The following CD2AP variants were observed in gnomAD, a reference collection of about 807,000 sequenced individuals.
CD2AP encodes the protein CD2-associated protein.
Under a neutral mutation model 85.1 loss-of-function variants are expected in CD2AP, and 46 were observed. The ratio of observed to expected loss-of-function variants is 0.54; its 90% CI spans 0.43 to 0.69. The LOEUF (loss-of-function observed/expected upper bound fraction) is 0.69, where lower values mean the gene tolerates loss of function less well. Ranked by LOEUF, CD2AP falls within the 30% of genes least tolerant of loss-of-function variation. CD2AP has a pLI of 0.00. For missense variants in CD2AP, 769 were observed against 729.5 expected (o/e 1.05, Z -0.62); for synonymous variants, 255 against 252.9 (o/e 1.01, Z -0.08).
chr6:47,600,931 C>T (rs1769111492), intron 13 of CD2AP, among the ~76,000 whole-genome samples: 1 of 151,772 alleles, frequency 6.6e-6, no homozygotes, highest in Admixed American at 6.6e-5. Context: ...TCACATAAGT[C>T]TTTAAATGTT....
chr6:47,481,997 G>A (rs1765457785), intron 1 of CD2AP, among the ~76,000 whole-genome samples: 1 of 152,072 alleles, frequency 6.6e-6, no homozygotes, highest in Admixed American at 6.5e-5. Context: ...TTGGCCTCAA[G>A]CAGTTCACCT....
intron 3 of CD2AP, among the ~76,000 whole-genome samples, chr6:47,540,864 G>A (rs966737691): frequency 3.9e-5 from 6 of 152,156 alleles, no homozygotes; most frequent in African/African-American, 1.4e-4. Context: ...CAATAATATG[G>A]ATTGTTTGCC....
At chr6:47,492,679 T>C (rs1353638806) in intron 1 of CD2AP, among the ~76,000 whole-genome samples, 1 of 152,156 alleles carries the variant, frequency 6.6e-6, no homozygotes, top group East Asian at 1.9e-4. Flanking sequence ...TTAATAAATG[T>C]AAGGTCTGTA....
At chr6:47,555,182 C>T (rs1767646218) in intron 5 of CD2AP, among the ~76,000 whole-genome samples, 1 of 152,092 alleles carries the variant, frequency 6.6e-6, no homozygotes, top group African/African-American at 2.4e-5. Context: ...TTTGTTTATT[C>T]TGGGCAGCCA....
chr6:47,606,212 C>A lies in CD2AP; in HGVS notation c.1465C>A (p.Leu489Ile). The A allele has an allele frequency of 6.2e-7, 1 of 1,611,730 alleles. No individual in the cohort carries two copies. Among genetic ancestry groups the A allele is most frequent in the Non-Finnish European group, 8.5e-7 (1 of 1,178,088 alleles). Residue 489 changes from leucine (L) to isoleucine (I), a missense_variant, in exon 14 of 18, where the codon CTC (leucine) becomes ATC (isoleucine). Physicochemically the swap from Leu to Ile is conservative, Grantham distance 5. Coordinates refer to ENST00000359314, the MANE Select transcript of CD2AP (RefSeq NM_012120.3). ...DIASSENLLH[L>I]TANRPKMPGR... ...AGCTTCCTCAGAAAACTTGCTTCAT[C>A]TCACTGCAAATAGACCAAAGATGCC... is the stretch of plus-strand genomic sequence containing the variant.
intron 2 of CD2AP, among the ~76,000 whole-genome samples, chr6:47,527,313 G>T (rs1254096092): frequency 2.0e-5 from 3 of 152,050 alleles, no homozygotes; most frequent in Non-Finnish European, 2.9e-5. Context: ...ACCTCCCATG[G>T]ATCAACTGAA....
intron 11 of CD2AP, among the ~76,000 whole-genome samples, chr6:47,586,712 A>G (rs1768639904): frequency 6.6e-6 from 1 of 152,188 alleles, no homozygotes; most frequent in Admixed American, 6.5e-5. Flanking sequence ...AAACGATACT[A>G]GATTGGCAGT....
At chr6:47,508,553 T>TG (rs1766238713) in intron 2 of CD2AP, among the ~76,000 whole-genome samples, 1 of 148,524 alleles carries the variant, frequency 6.7e-6, no homozygotes, top group Non-Finnish European at 1.5e-5. Flanking sequence ...TTTGTTTTTT[T>TG]TTTTTTTTTT....
intron 17 of CD2AP, among the ~76,000 whole-genome samples, chr6:47,621,564 A>G (rs1396990927): frequency 6.6e-6 from 1 of 152,174 alleles, no homozygotes; most frequent in Non-Finnish European, 1.5e-5. Flanking sequence ...TCATAGAATG[A>G]ATTAGGGAGG....
Position 47,598,433 on chromosome 6 carries a change from A to G in CD2AP, c.1275-868A>G, listed in dbSNP as rs1484355293. On this transcript the variant is annotated intron_variant, in intron 12 of 17. Transcript: ENST00000359314. Reference sequence around the variant, plus strand: ...CCAGAGGAAAATAAGTTATTATATGAAAAAGATAACTTGCACATGCATGTT... The same window carrying G: ...CCAGAGGAAAATAAGTTATTATATGGAAAAGATAACTTGCACATGCATGTT... 1.3e-5 allele frequency among the ~76,000 whole-genome samples: 2 copies of G among 151,148 alleles called. 1 individual carries two copies. Among genetic ancestry groups the G allele is most frequent in the Non-Finnish European group, 3.0e-5 (2 of 67,362 alleles).
At chr6:47,620,003 C>T (rs1403842905) in intron 17 of CD2AP, among the ~76,000 whole-genome samples, 1 of 152,142 alleles carries the variant, frequency 6.6e-6, no homozygotes, top group Non-Finnish European at 1.5e-5. Context: ...GATTTTTTCC[C>T]ACTCTGTGGG....
rs144947518 is a variant in CD2AP at position 47,600,644 on chromosome 6, T to G, written c.1417+1201T>G. On this transcript the variant is annotated intron_variant, in intron 13 of 17. Transcript: ENST00000359314. ...TTTAGAGAAACTCATTGAAATTTAT[T>G]CGGTATGTTTTATATGGTGAAAATT... 4.7e-3 allele frequency among the ~76,000 whole-genome samples: 720 copies of G among 152,068 alleles called. 5 individuals are homozygous for G. Among genetic ancestry groups the G allele is most frequent in the Middle Eastern group, 0.017 (5 of 294 alleles).
At chr6:47,494,380 G>T (rs1765803782) in intron 1 of CD2AP, among the ~76,000 whole-genome samples, 1 of 152,140 alleles carries the variant, frequency 6.6e-6, no homozygotes, top group East Asian at 1.9e-4. Flanking sequence ...GAGCCTCATT[G>T]ATATGGTGGT....
At position 47,503,390 on chromosome 6, in the gene CD2AP, G is replaced by A. The variant is rs1562005979; in HGVS notation, c.115G>A (p.Glu39Lys). The A allele has an allele frequency of 1.2e-6, 2 of 1,613,916 alleles. No homozygotes were observed. The highest frequency in any genetic ancestry group is 1.7e-6 in the Non-Finnish European group (2 of 1,179,882). The stretch of plus-strand genomic sequence containing the variant: ...AAAGCTACAGGAGGAAGGGTGGCTG[G>A]AAGGAGAACTAAATGGGAGAAGAGG... ...VKKLQEEGWL[E>K]GELNGRRGMF... The change falls in exon 2 of 18, where the codon GAA becomes AAA. Residue 39 changes from glutamate to lysine, a missense_variant. Transcript: ENST00000359314.
intron 1 of CD2AP, among the ~76,000 whole-genome samples, chr6:47,480,852 C>T (rs1054640077): frequency 6.6e-6 from 1 of 152,138 alleles, no homozygotes; most frequent in African/African-American, 2.4e-5. Context: ...GTGATATAAC[C>T]TTACAGAAAC....
intron 3 of CD2AP, among the ~76,000 whole-genome samples, chr6:47,540,359 A>C (rs913071074): frequency 2.0e-5 from 3 of 152,060 alleles, no homozygotes; most frequent in Non-Finnish European, 4.4e-5. Flanking sequence ...AAAAATCTCA[A>C]AGTGCCCCCT....
At chr6:47,508,164 C>T (rs1433029274) in intron 2 of CD2AP, among the ~76,000 whole-genome samples, 2 of 152,212 alleles carry the variant, frequency 1.3e-5, no homozygotes, top group Non-Finnish European at 2.9e-5. Flanking sequence ...TGAAGCTAGG[C>T]TTTGATTTCT....
At chr6:47,596,565 C>G (rs1768955872) in intron 12 of CD2AP, among the ~76,000 whole-genome samples, 2 of 151,992 alleles carry the variant, frequency 1.3e-5, no homozygotes, top group African/African-American at 2.4e-5. Flanking sequence ...CCTCCAGATT[C>G]GTCGATGATG....
Position 47,609,302 on chromosome 6 carries a change from C to A in CD2AP, c.1812C>A (p.His604Gln). Residue 604 changes from histidine (H) to glutamine (Q), a missense_variant and splice_region_variant, in exon 16 of 18, where the codon CAC becomes CAA. Transcript: ENST00000359314. ...TTGTAGAAGCACTGAAAAAGGATCA[C>A]GGGTAAGTAGCCCTTCTTTTCTCCT... ...LCIVEALKKDHGKELEKLRKD... is the reference protein window; with the variant it reads ...LCIVEALKKDQGKELEKLRKD... 1 of 1,610,682 alleles carries A rather than the reference C, an allele frequency of 6.2e-7. No individual in the cohort carries two copies. Among genetic ancestry groups the A allele is most frequent in the Non-Finnish European group, 8.5e-7 (1 of 1,177,304 alleles).
Sources: allele counts gnomAD v4.1 joint callset (sites outside exome capture counted in the v4.1 genomes callset), GRCh38; gene constraint gnomAD v4.1.1; transcripts MANE v1.5; gene names NCBI Gene and HGNC (gene_info 2026-07-23, HGNC 2026-07-21).